Variants in BLK observed in about 807,000 individuals in gnomAD.
The protein encoded by BLK is BLK proto-oncogene, Src family tyrosine kinase.
In BLK, 64 loss-of-function variants were observed where a neutral mutation model predicts 61.8. The ratio of observed to expected loss-of-function variants is 1.03; its 90% CI spans 0.85 to 1.27. The LOEUF is 1.27. Ranked by LOEUF, BLK falls within the 50% of genes most tolerant of loss-of-function variation. The probability of loss-of-function intolerance (pLI) is 0.00; values close to 1 mark genes in which losing one functional copy is unlikely to be tolerated. For synonymous variants in BLK, 351 were observed against 272.0 expected, an observed-to-expected ratio of 1.29 and a Z score of -2.86; for missense variants, 853 against 660.5, an observed-to-expected ratio of 1.29 and a Z score of -3.19.
chr8:11,559,778 T>G (rs1801404073), intron 10 of BLK: 1 of 456,042 alleles, frequency 2.2e-6, no homozygotes. Context: ...CTTGAACACT[T>G]CCCACCTGGC....
chr8:11,528,150 C>T (rs1799743623), intron 1 of BLK, among the ~76,000 whole-genome samples: 1 of 152,170 alleles, frequency 6.6e-6, no homozygotes, highest in Non-Finnish European at 1.5e-5. Context: ...GATCCTCCCA[C>T]CTCAGCCTCC....
At chr8:11,520,275 G>A (rs902352822) in intron 1 of BLK, among the ~76,000 whole-genome samples, 6 of 152,046 alleles carry the variant, frequency 3.9e-5, no homozygotes, top group African/African-American at 1.4e-4. Flanking sequence ...CCAGGACTTC[G>A]AGACCAGTGT....
At chr8:11,519,277 T>G (rs901588583) in intron 1 of BLK, among the ~76,000 whole-genome samples, 4 of 152,240 alleles carry the variant, frequency 2.6e-5, no homozygotes, top group Admixed American at 2.6e-4. Context: ...CATGTGGGGC[T>G]GCTAGGAGCC....
At chr8:11,539,418 G>A (rs987741385) in intron 1 of BLK, among the ~76,000 whole-genome samples, 2 of 152,132 alleles carry the variant, frequency 1.3e-5, no homozygotes, top group African/African-American at 4.8e-5. Context: ...TTGCTGGGCA[G>A]TTACATTGTT....
chr8:11,499,881 C>G (rs1328220525), intron 1 of BLK, among the ~76,000 whole-genome samples: 4 of 152,004 alleles, frequency 2.6e-5, no homozygotes, highest in Admixed American at 2.6e-4. Context: ...CCTAACTTAC[C>G]CTTTGGTCTA....
At chr8:11,500,435 A>T (rs1197510370) in intron 1 of BLK, among the ~76,000 whole-genome samples, 1 of 151,898 alleles carries the variant, frequency 6.6e-6, no homozygotes, top group Non-Finnish European at 1.5e-5. Context: ...ACCTCAAGTG[A>T]TCTGCCTGCC....
At chr8:11,558,491 C>G (rs953488646) in intron 10 of BLK, 20 of 370,226 alleles carry the variant, frequency 5.4e-5, no homozygotes, top group Non-Finnish European at 9.6e-5. Flanking sequence ...ACAGCCCTGG[C>G]GTCGACCCCA....
chr8:11,495,788 A>G (rs1309585654), intron 1 of BLK, among the ~76,000 whole-genome samples: 1 of 152,198 alleles, frequency 6.6e-6, no homozygotes, highest in Non-Finnish European at 1.5e-5. Context: ...AATTTTAACA[A>G]GACCTGGGGT....
chr8:11,558,574 A>G, intron 10 of BLK: 1 of 447,598 alleles, frequency 2.2e-6, no homozygotes, highest in Non-Finnish European at 4.5e-6. Flanking sequence ...GGACAGCCCC[A>G]CCTTCTGCCA....
At chr8:11,522,947 G>C (rs531696958) in intron 1 of BLK, among the ~76,000 whole-genome samples, 7 of 152,236 alleles carry the variant, frequency 4.6e-5, no homozygotes, top group Admixed American at 1.3e-4. Flanking sequence ...CCAATCTTTA[G>C]TTGTATCTTC....
At chr8:11,534,279 A>C (rs916571450) in intron 1 of BLK, among the ~76,000 whole-genome samples, 1 of 152,236 alleles carries the variant, frequency 6.6e-6, no homozygotes, top group African/African-American at 2.4e-5. Flanking sequence ...AAATAGGTTA[A>C]GGCCCATAGT....
At chr8:11,542,901 G>C (rs1385743659) in intron 1 of BLK, among the ~76,000 whole-genome samples, 1 of 152,142 alleles carries the variant, frequency 6.6e-6, no homozygotes. Context: ...GCTCTTTCTA[G>C]AACACCACGT....
chr8:11,502,389 C>T (rs1381043601), intron 1 of BLK, among the ~76,000 whole-genome samples: 1 of 152,068 alleles, frequency 6.6e-6, no homozygotes, highest in Non-Finnish European at 1.5e-5. Flanking sequence ...CTGCAACTTC[C>T]ACCTCCTGGG....
At chr8:11,522,276 T>C (rs1799483072) in intron 1 of BLK, among the ~76,000 whole-genome samples, 1 of 152,170 alleles carries the variant, frequency 6.6e-6, no homozygotes, top group Non-Finnish European at 1.5e-5. Flanking sequence ...CATGAGCATC[T>C]CAAATATAAT....
chr8:11,554,994 G>A (rs770947486), intron 7 of BLK, 105 bp downstream of exon 7: 72 of 1,501,362 alleles, frequency 4.8e-5, no homozygotes, highest in Non-Finnish European at 6.3e-5. Context: ...TTGGGGGATG[G>A]AAAGATTATC....
At chr8:11,521,858 C>A (rs1390871635) in intron 1 of BLK, among the ~76,000 whole-genome samples, 1 of 152,200 alleles carries the variant, frequency 6.6e-6, no homozygotes, top group East Asian at 1.9e-4. Context: ...GAGGGGACTC[C>A]TCTCTATCTT....
chr8:11,532,422 G>T (rs2618437), intron 1 of BLK, among the ~76,000 whole-genome samples: 1 of 147,602 alleles, frequency 6.8e-6, no homozygotes, highest in South Asian at 2.1e-4. Flanking sequence ...TGTTGGCCAG[G>T]CTGGTCTCGA....
intron 1 of BLK, among the ~76,000 whole-genome samples, chr8:11,496,363 C>T (rs574151832): frequency 6.6e-6 from 1 of 152,322 alleles, no homozygotes; most frequent in East Asian, 1.9e-4. Context: ...ACTCAGCCTC[C>T]TGAGTAGCTG....
intron 1 of BLK, among the ~76,000 whole-genome samples, chr8:11,520,664 C>T (rs868221285): frequency 6.6e-6 from 1 of 152,016 alleles, no homozygotes; most frequent in Admixed American, 6.6e-5. Flanking sequence ...GAGACGCCTG[C>T]TAACATTGAG....
Sources: gnomAD v4.1 joint callset for allele counts (sites outside exome capture counted in the v4.1 genomes callset) on GRCh38, gnomAD v4.1.1 for gene constraint, MANE v1.5 for transcripts, NCBI Gene and HGNC (gene_info 2026-07-23, HGNC 2026-07-21) for gene names.